Variants in TTC39B observed in about 807,000 individuals in gnomAD.
TTC39B encodes the protein tetratricopeptide repeat domain 39B.
In TTC39B, 92 loss-of-function variants were observed where a neutral mutation model predicts 96.6. The observed-to-expected ratio is 0.95, with a 90% CI of 0.80 to 1.13. The LOEUF is 1.13. TTC39B is among the 50% of genes most tolerant of loss of function. The pLI is 0.00. For synonymous variants in TTC39B, 367 were observed against 299.4 expected (o/e 1.23, Z -2.33); for missense variants, 955 against 809.3 (o/e 1.18, Z -2.18).
chr9:15,267,992 A>C (rs988997860), intron 1 of TTC39B, 44 bp from the exon 2 acceptor site: 60 of 1,575,364 alleles, frequency 3.8e-5, no homozygotes, highest in Non-Finnish European at 4.6e-5. Flanking sequence ...AGAATTCTCA[A>C]TGGGTTTCTC....
chr9:15,233,028 G>A (rs565622599), intron 2 of TTC39B, among the ~76,000 whole-genome samples: 1 of 152,286 alleles, frequency 6.6e-6, no homozygotes, highest in South Asian at 2.1e-4. Context: ...TTGTGGATAG[G>A]GAAAGAGGAA....
At chr9:15,191,904 G>A (rs1818879381) in intron 9 of TTC39B, among the ~76,000 whole-genome samples, 1 of 152,190 alleles carries the variant, frequency 6.6e-6, no homozygotes, top group African/African-American at 2.4e-5. Context: ...AGATCTTTCT[G>A]AATGGGCAGA....
At chr9:15,252,721 T>C (rs1001442017) in intron 2 of TTC39B, among the ~76,000 whole-genome samples, 3 of 152,142 alleles carry the variant, frequency 2.0e-5, no homozygotes, top group Admixed American at 1.3e-4. Context: ...GTGATGTGTA[T>C]CCAAAATGGT....
intron 2 of TTC39B, among the ~76,000 whole-genome samples, chr9:15,251,973 C>T (rs374942373): frequency 2.0e-5 from 3 of 151,934 alleles, no homozygotes; most frequent in Non-Finnish European, 4.4e-5. Context: ...AAGGTCCCTG[C>T]TCCCCTGGAG....
chr9:15,214,288 T>C, intron 3 of TTC39B, 39 bp from the exon 4 acceptor site: 1 of 1,516,718 alleles, frequency 6.6e-7, no homozygotes, highest in Non-Finnish European at 9.1e-7. Context: ...TTTCTATAGC[T>C]TTACGATCAG....
At chr9:15,202,585 G>A (rs899835968) in intron 7 of TTC39B, among the ~76,000 whole-genome samples, 13 of 152,050 alleles carry the variant, frequency 8.5e-5, no homozygotes, top group South Asian at 2.1e-4. Context: ...GGTGGCACAC[G>A]TCTGTAATCC....
chr9:15,172,504 T>C (rs1373778532), intron 19 of TTC39B, among the ~76,000 whole-genome samples: 2 of 152,160 alleles, frequency 1.3e-5, no homozygotes, highest in Non-Finnish European at 2.9e-5. Flanking sequence ...GATCACATGA[T>C]CGATCACTCA....
At position 15,236,347 on chromosome 9, in the gene TTC39B, T is replaced by C. The variant is rs185102584; in HGVS notation, c.276-10335A>G. Among the ~76,000 whole-genome samples the C allele has an allele frequency of 5.9e-5, 9 of 152,274 alleles. No homozygotes were observed. In the East Asian group the frequency reaches 7.7e-4, roughly 13 times the overall value. Reference sequence around the variant, plus strand: ...ACAAATGCTACTAGACCTAAGAGAATAGACTGATATCAATACAATTATAGT... The same window carrying C: ...ACAAATGCTACTAGACCTAAGAGAACAGACTGATATCAATACAATTATAGT... On this transcript the variant is annotated intron_variant, in intron 2 of 19. Coordinates refer to ENST00000512701, the Ensembl canonical transcript of TTC39B.
At chr9:15,279,006 C>T (rs533930468) in intron 1 of TTC39B, among the ~76,000 whole-genome samples, 4 of 152,316 alleles carry the variant, frequency 2.6e-5, no homozygotes, top group African/African-American at 7.2e-5. Flanking sequence ...ATAACTTATC[C>T]ATAACTGAGC....
At chr9:15,261,158 G>C (rs1822930675) in intron 2 of TTC39B, among the ~76,000 whole-genome samples, 1 of 152,094 alleles carries the variant, frequency 6.6e-6, no homozygotes, top group African/African-American at 2.4e-5. Context: ...ATTGCCCACA[G>C]TGGTTTTTAT....
intron 2 of TTC39B, among the ~76,000 whole-genome samples, chr9:15,260,973 G>GT (rs1467249678): frequency 6.6e-6 from 1 of 152,170 alleles, no homozygotes; most frequent in Non-Finnish European, 1.5e-5. Flanking sequence ...TGAAATTTCC[G>GT]TAAGATGCTC....
Position 15,183,924 on chromosome 9 carries a change from G to T in TTC39B, c.1614+1356C>A, listed in dbSNP as rs146150059. 1.8e-4 allele frequency among the ~76,000 whole-genome samples: 27 copies of T among 152,292 alleles called. 1 individual carries two copies. The East Asian group carries it at 3.7e-3, about 21-fold the overall frequency. On this transcript the variant is annotated intron_variant, in intron 16 of 19. Coordinates refer to ENST00000512701, the Ensembl canonical transcript of TTC39B. ...TCTGATGCTGAAGTTCTCTGAGTTT[G>T]TGTTAGGTAGGAAACACCTGGACCT...
rs150224368 is a variant in TTC39B at position 15,258,245 on chromosome 9, T to G, written c.275+9669A>C. The stretch of plus-strand genomic sequence containing the variant: ...GTAATAGAGCGGAGAGAGAGGAAAG[T>G]GAACGGATGGGAAATATATATTGGA... On this transcript the variant is annotated intron_variant, in intron 2 of 19. Coordinates refer to ENST00000512701, the Ensembl canonical transcript of TTC39B. Among the ~76,000 whole-genome samples, 740 of 152,090 alleles carry G rather than the reference T, an allele frequency of 4.9e-3. 8 individuals are homozygous for G. The highest frequency in any genetic ancestry group is 0.017 in the African/African-American group (723 of 41,474).
chr9:15,269,503 G>A (rs1215010812), intron 1 of TTC39B, among the ~76,000 whole-genome samples: 1 of 152,180 alleles, frequency 6.6e-6, no homozygotes, highest in African/African-American at 2.4e-5. Flanking sequence ...ACTGAACAAG[G>A]TTTAGACCAT....
In TTC39B at chr9:15,292,695, G is replaced by A. The variant is rs144298380; in HGVS notation, c.240+14389C>T. Among the ~76,000 whole-genome samples, 175 of 152,210 alleles carry A rather than the reference G, an allele frequency of 1.1e-3. 1 individual carries two copies. The highest frequency in any genetic ancestry group is 3.9e-3 in the African/African-American group (160 of 41,512). On this transcript the variant is annotated intron_variant, in intron 1 of 19. Coordinates refer to ENST00000512701, the Ensembl canonical transcript of TTC39B. ...CCTATGTAGGCCCAGGCTAATCTGT[G>A]TGTTTATGTCTTAGTTCTTAAAAAA... is the stretch of plus-strand genomic sequence containing the variant.
chr9:15,231,903 A>T (rs936935588), intron 2 of TTC39B, among the ~76,000 whole-genome samples: 1 of 152,192 alleles, frequency 6.6e-6, no homozygotes, highest in East Asian at 1.9e-4. Flanking sequence ...TGTAATCTAG[A>T]GTCGAAATGG....
At chr9:15,290,598 C>T (rs1422851147) in intron 1 of TTC39B, among the ~76,000 whole-genome samples, 1 of 152,244 alleles carries the variant, frequency 6.6e-6, no homozygotes, top group Admixed American at 6.5e-5. Context: ...ACGTCTTCCT[C>T]TACTCTATGT....
At chr9:15,270,847 T>C (rs1823323452) in intron 1 of TTC39B, among the ~76,000 whole-genome samples, 1 of 152,018 alleles carries the variant, frequency 6.6e-6, no homozygotes, top group African/African-American at 2.4e-5. Context: ...GCATATGTGG[T>C]CTATAAAGGC....
intron 1 of TTC39B, 74 bp downstream of exon 1, chr9:15,307,010 C>T (rs1824773528): frequency 1.9e-6 from 3 of 1,562,364 alleles, no homozygotes; most frequent in Middle Eastern, 3.4e-4. Flanking sequence ...CCGTCCTAGC[C>T]GGGCTCACTC....
Sources: gnomAD v4.1 joint callset for allele counts (sites outside exome capture counted in the v4.1 genomes callset) on GRCh38, gnomAD v4.1.1 for gene constraint, MANE v1.5 for transcripts, NCBI Gene and HGNC (gene_info 2026-07-23, HGNC 2026-07-21) for gene names.